Variants in SMYD1 observed in about 807,000 individuals in gnomAD.
The protein encoded by SMYD1 is SET and MYND domain containing 1, also known as histone-lysine N-methyltransferase SMYD1.
A neutral mutation model predicts 54.0 loss-of-function variants in SMYD1; 49 were observed. The ratio of observed to expected loss-of-function variants is 0.91; its 90% CI spans 0.72 to 1.15. SMYD1 has a LOEUF of 1.15. SMYD1 is among the 50% of genes most tolerant of loss of function. SMYD1 has a pLI of 0.00. For missense variants in SMYD1, 653 were observed against 639.6 expected, an observed-to-expected ratio of 1.02 and a Z score of -0.23; for synonymous variants, 269 against 234.2, an observed-to-expected ratio of 1.15 and a Z score of -1.36.
At chr2:88,104,018 G>A (rs1016561271) in intron 7 of SMYD1, among the ~76,000 whole-genome samples, 10 of 150,362 alleles carry the variant, frequency 6.7e-5, no homozygotes, top group Non-Finnish European at 1.2e-4. Context: ...CCAGGCTGGA[G>A]TGCAGTGGCA....
At chr2:88,092,485 A>C (rs1674484710) in intron 4 of SMYD1, among the ~76,000 whole-genome samples, 1 of 152,142 alleles carries the variant, frequency 6.6e-6, no homozygotes, top group Non-Finnish European at 1.5e-5. Context: ...TTCCCCCAAA[A>C]ACTTCCTAGA....
intron 6 of SMYD1, 144 bp from the exon 7 acceptor site, chr2:88,102,914 G>A: frequency 1.6e-6 from 1 of 624,728 alleles, no homozygotes; most frequent in Non-Finnish European, 2.9e-6. Context: ...CAGGATCTTG[G>A]GTAGCATTTA....
chr2:88,068,261 A>G (rs964022101), intron 1 of SMYD1, among the ~76,000 whole-genome samples: 1 of 152,174 alleles, frequency 6.6e-6, no homozygotes, highest in Non-Finnish European at 1.5e-5. Flanking sequence ...ATACTGGCCA[A>G]CTTGGCTGAG....
chr2:88,101,477 TAGTC>T (rs946872149), intron 6 of SMYD1, among the ~76,000 whole-genome samples: 5 of 152,116 alleles, frequency 3.3e-5, no homozygotes, highest in South Asian at 2.1e-4. Flanking sequence ...TTAGAAAAAA[TAGTC>T]AATCCTATAG....
intron 1 of SMYD1, among the ~76,000 whole-genome samples, chr2:88,069,507 C>A (rs1157823759): frequency 6.6e-6 from 1 of 152,094 alleles, no homozygotes; most frequent in Non-Finnish European, 1.5e-5. Context: ...TGAAAACAAC[C>A]CAGAAACACA....
intron 7 of SMYD1, among the ~76,000 whole-genome samples, chr2:88,104,112 G>T (rs1236112373): frequency 1.3e-5 from 2 of 151,980 alleles, no homozygotes; most frequent in African/African-American, 2.4e-5. Context: ...GACTACAGGT[G>T]CCCGCCACCA....
At chr2:88,092,406 CT>C (rs549144686) in intron 4 of SMYD1, among the ~76,000 whole-genome samples, 115 of 152,246 alleles carry the variant, frequency 7.6e-4, no homozygotes, top group African/African-American at 2.6e-3. Flanking sequence ...ATATTAATTG[CT>C]TTTGCTCTTA....
intron 1 of SMYD1, among the ~76,000 whole-genome samples, chr2:88,069,986 A>C (rs1026094835): frequency 6.6e-6 from 1 of 152,224 alleles, no homozygotes; most frequent in Non-Finnish European, 1.5e-5. Flanking sequence ...TGAAGTAACA[A>C]CTATAAAAAC....
chr2:88,075,465 A>T (rs1358755971), intron 1 of SMYD1, among the ~76,000 whole-genome samples: 3 of 152,066 alleles, frequency 2.0e-5, no homozygotes, highest in African/African-American at 4.8e-5. Flanking sequence ...ATGTTTTAAT[A>T]AAAAAAGGGA....
intron 9 of SMYD1, 73 bp from the exon 10 acceptor site, chr2:88,110,281 C>T (rs1674986138): frequency 6.8e-7 from 1 of 1,475,912 alleles, no homozygotes; most frequent in Non-Finnish European, 9.1e-7. Context: ...AATAATTTAC[C>T]CCAAGGTATA....
intron 6 of SMYD1, among the ~76,000 whole-genome samples, chr2:88,102,057 G>A (rs1012633693): frequency 2.0e-5 from 3 of 151,852 alleles, no homozygotes; most frequent in Admixed American, 2.0e-4. Context: ...TGGGTTCTAG[G>A]GATTTCTTTT....
rs1000818998 is a variant in SMYD1 at position 88,087,970 on chromosome 2, G to A, written c.423G>A (p.Glu141=). 1 of 1,614,054 alleles carries A rather than the reference G, an allele frequency of 6.2e-7. No individual in the cohort carries two copies. The highest frequency in any genetic ancestry group is 1.3e-5 in the African/African-American group (1 of 74,922). Reference sequence around the variant, plus strand: ...AGAACCACGTGGAGCACTTTGGGGAGGAGGAGCAGAAGGACCTGCGGGTGG... The same window carrying A: ...AGAACCACGTGGAGCACTTTGGGGAAGAGGAGCAGAAGGACCTGCGGGTGG... The part of the protein sequence containing the change: ...DLQNHVEHFG[E]EEQKDLRVDV... The change falls in exon 3 of 10, where the codon GAG becomes GAA. Residue 141 remains glutamate, a synonymous_variant. Coordinates refer to ENST00000419482, the MANE Select transcript of SMYD1 (RefSeq NM_198274.4).
At chr2:88,077,265 G>T (rs1443231957) in intron 1 of SMYD1, among the ~76,000 whole-genome samples, 1 of 152,232 alleles carries the variant, frequency 6.6e-6, no homozygotes, top group Non-Finnish European at 1.5e-5. Flanking sequence ...ACAGATCACA[G>T]AGTCCAGCAG....
intron 5 of SMYD1, among the ~76,000 whole-genome samples, chr2:88,094,373 C>T (rs544480880): frequency 6.2e-4 from 95 of 152,324 alleles, no homozygotes; most frequent in Middle Eastern, 3.4e-3. Context: ...GTGAGAAATA[C>T]TTAAATAGGC....
intron 8 of SMYD1, 44 bp downstream of exon 8, chr2:88,106,532 T>A: frequency 6.3e-7 from 1 of 1,585,636 alleles, no homozygotes; most frequent in Non-Finnish European, 8.6e-7. Flanking sequence ...TGGAAGTGTG[T>A]GTATTCCAGG....
At chr2:88,082,017 A>G (rs1490930722) in intron 1 of SMYD1, among the ~76,000 whole-genome samples, 1 of 152,136 alleles carries the variant, frequency 6.6e-6, no homozygotes, top group African/African-American at 2.4e-5. Flanking sequence ...AGGCAGATGT[A>G]AGAAATTCAT....
intron 4 of SMYD1, among the ~76,000 whole-genome samples, chr2:88,092,261 A>C (rs1674479343): frequency 6.6e-6 from 1 of 152,160 alleles, no homozygotes; most frequent in African/African-American, 2.4e-5. Flanking sequence ...CTGAGACAGC[A>C]CAGATGAGGG....
intron 1 of SMYD1, among the ~76,000 whole-genome samples, chr2:88,075,534 C>CTTTTTT (rs35091980): frequency 5.8e-5 from 6 of 103,578 alleles, no homozygotes; most frequent in Admixed American, 1.1e-4. Flanking sequence ...CCTTTTAATT[C>CTTTTTT]TTTTTTTTTT....
Position 88,083,036 on chromosome 2 carries a change from T to C in SMYD1, c.138-1280T>C, listed in dbSNP as rs1674234283. 9 of 152,236 alleles carry C rather than the reference T, an allele frequency of 5.9e-5. No homozygotes were observed. The South Asian group carries it at 1.9e-3, about 31-fold the overall frequency. 9.4% of individuals were successfully genotyped at this position (152,236 alleles called of 1,614,324 possible). On this transcript the variant is annotated intron_variant, in intron 1 of 9. Coordinates refer to ENST00000419482, the MANE Select transcript of SMYD1 (RefSeq NM_198274.4). Reference sequence around the variant, plus strand: ...AGGATTTCTGTGCCTGAATGTTCTGTGGAAGCTTCTCCCTCCAGGCTCTGG... The same window carrying C: ...AGGATTTCTGTGCCTGAATGTTCTGCGGAAGCTTCTCCCTCCAGGCTCTGG...
Sources: allele counts gnomAD v4.1 joint callset (sites outside exome capture counted in the v4.1 genomes callset), GRCh38; gene constraint gnomAD v4.1.1; transcripts MANE v1.5; gene names NCBI Gene and HGNC (gene_info 2026-07-23, HGNC 2026-07-21).